The following MACF1 variants were observed in gnomAD, a reference collection of about 807,000 sequenced individuals.
MACF1 encodes microtubule-actin cross-linking factor 1.
A neutral mutation model predicts 854.8 loss-of-function variants in MACF1; 193 were observed. The ratio of observed to expected loss-of-function variants is 0.23; its 90% CI spans 0.20 to 0.25. The LOEUF (loss-of-function observed/expected upper bound fraction) is 0.25, where lower values mean the gene tolerates loss of function less well. Among genes scored for constraint, MACF1 ranks in the 10% least tolerant of loss-of-function variants. MACF1 has a pLI of 1.00. For synonymous variants in MACF1, 3,185 were observed against 3,226.7 expected, an observed-to-expected ratio of 0.99 and a Z score of 0.44; for missense variants, 7,722 against 8,929.1, an observed-to-expected ratio of 0.86 and a Z score of 5.45.
In MACF1 at chr1:39,440,111, C is replaced by CTTTTTTTT. The variant is rs774399403; in HGVS notation, c.18447+622_18447+629dup. Among the ~76,000 whole-genome samples the CTTTTTTTT allele has an allele frequency of 2.1e-3, 138 of 64,500 alleles. 4 individuals are homozygous for CTTTTTTTT. The highest frequency in any genetic ancestry group is 0.013 in the Middle Eastern group (1 of 76). The allele number at this position is 64,500 out of a possible 152,430, so 42.3% of individuals were successfully genotyped here. Reference sequence around the variant, plus strand: ...CTTTTCTTTTCTTTTCTTTTCTTTTCTTTTTTTTTTTTTTTTTTGGAGACA... The same window carrying CTTTTTTTT: ...CTTTTCTTTTCTTTTCTTTTCTTTTCTTTTTTTTTTTTTTTTTTTTTTTTTTGGAGACA... On this transcript the variant is annotated intron_variant, in intron 72 of 100. Coordinates refer to ENST00000564288, the MANE Select transcript of MACF1 (RefSeq NM_001394062.1).
intron 2 of MACF1, among the ~76,000 whole-genome samples, chr1:39,089,280 AGCT>A (rs1476179719): frequency 2.0e-5 from 3 of 152,178 alleles, no homozygotes; most frequent in Non-Finnish European, 2.9e-5. Context: ...AGTGACTCAG[AGCT>A]AAGGATTGGA....
intron 2 of MACF1, among the ~76,000 whole-genome samples, chr1:39,190,675 A>G (rs1413163277): frequency 6.6e-6 from 1 of 151,746 alleles, no homozygotes; most frequent in Non-Finnish European, 1.5e-5. Flanking sequence ...TTTTGATAAA[A>G]ATCAGGATCT....
At position 39,084,262 on chromosome 1, in the gene MACF1, G is replaced by T. The variant is rs199750582; in HGVS notation, c.44G>T (p.Arg15Leu). The T allele has an allele frequency of 1.2e-6, 2 of 1,612,588 alleles. No homozygotes were observed. The highest frequency in any genetic ancestry group is 2.7e-5 in the African/African-American group (2 of 74,902). Residue 15 changes from arginine to leucine, a missense_variant, in exon 2 of 94, where the codon CGG (arginine) becomes CTG (leucine). Transcript: ENST00000361689. The surrounding 1 kb of genome is among the most constrained non-coding windows in gnomAD (Gnocchi z 5.2). ...GAGACGCTCAGTGAGCGGTCATGTCGGAGTGAGCGGTCTTGTCGGAGTGAG... is the reference window on the plus strand; with the variant it reads ...GAGACGCTCAGTGAGCGGTCATGTCTGAGTGAGCGGTCTTGTCGGAGTGAG...
At chr1:39,382,494 G>A (rs947496554) in intron 56 of MACF1, among the ~76,000 whole-genome samples, 6 of 151,620 alleles carry the variant, frequency 4.0e-5, no homozygotes, top group Non-Finnish European at 8.8e-5. Context: ...CACAAGGTCA[G>A]GAGATCAAGA....
chr1:39,480,051 C>G, intron 98 of MACF1, 42 bp downstream of exon 98: 1 of 1,552,108 alleles, frequency 6.4e-7, no homozygotes, highest in Non-Finnish European at 8.9e-7. Context: ...CCCAATCCCA[C>G]CCTCACAGAT....
At chr1:39,408,694 G>A (rs1288411055) in intron 58 of MACF1, among the ~76,000 whole-genome samples, 1 of 152,102 alleles carries the variant, frequency 6.6e-6, no homozygotes, top group African/African-American at 2.4e-5. Flanking sequence ...TTTGTCAGGG[G>A]ATTTGCGCCG....
At chr1:39,141,697 A>T (rs1249096778) in intron 2 of MACF1, among the ~76,000 whole-genome samples, 1 of 152,194 alleles carries the variant, frequency 6.6e-6, no homozygotes, top group African/African-American at 2.4e-5. Context: ...GAGTCTAGTT[A>T]TTAGACTTAA....
intron 1 of MACF1, among the ~76,000 whole-genome samples, chr1:39,211,767 G>A (rs768448566): frequency 3.3e-5 from 5 of 151,976 alleles, no homozygotes; most frequent in Admixed American, 6.6e-5. Flanking sequence ...TGTAATCCCA[G>A]CTACTTGGGA....
chr1:39,363,803 TG>T (rs1219280392), intron 49 of MACF1, among the ~76,000 whole-genome samples: 3 of 151,926 alleles, frequency 2.0e-5, no homozygotes, highest in African/African-American at 7.3e-5. Context: ...TTAGTAGAGA[TG>T]GGGTTTCACC....
rs1271994752 is a variant in MACF1, at chr1:39,327,272, G to A, written c.4533G>A (p.Lys1511=). The A allele has an allele frequency of 6.2e-7, 1 of 1,606,432 alleles. No homozygotes were observed. Among genetic ancestry groups the A allele is most frequent in the Non-Finnish European group, 8.5e-7 (1 of 1,173,836 alleles). Reference sequence around the variant, plus strand: ...CTGAGCAATTGAATGCCCTAAACAAGGCTTACCATGACCTTTGTGATGGTT... The same window carrying A: ...CTGAGCAATTGAATGCCCTAAACAAAGCTTACCATGACCTTTGTGATGGTT... ...QISEQLNALN[K]AYHDLCDGSA... Residue 1511 remains lysine (K), a synonymous_variant, in exon 36 of 101, where the codon AAG becomes AAA. Coordinates refer to ENST00000564288, the MANE Select transcript of MACF1 (RefSeq NM_001394062.1).
rs1048204918 is a variant in MACF1 at position 39,487,045 on chromosome 1, G to A, written c.*1251G>A. On this transcript the variant is annotated 3_prime_UTR_variant, in exon 101 of 101. Coordinates refer to ENST00000564288, the MANE Select transcript of MACF1 (RefSeq NM_001394062.1). ...ACCTTATCTATAAATGTTACCCTGG[G>A]GTATAATCATGTTGTAGGTACTTAA... 1.3e-5 allele frequency: 2 copies of A among 152,304 alleles called. No homozygotes were observed. The highest frequency in any genetic ancestry group is 6.5e-5 in the Admixed American group (1 of 15,272). 9.4% of individuals were successfully genotyped at this position (152,304 alleles called of 1,614,324 possible).
intron 2 of MACF1, among the ~76,000 whole-genome samples, chr1:39,135,104 G>C (rs1244076142): frequency 6.6e-6 from 1 of 152,128 alleles, no homozygotes; most frequent in Non-Finnish European, 1.5e-5. Flanking sequence ...TCATGTTGTA[G>C]CATGTGCCAG....
intron 71 of MACF1, among the ~76,000 whole-genome samples, chr1:39,438,342 G>A (rs1207404848): frequency 6.6e-6 from 1 of 152,194 alleles, no homozygotes; most frequent in East Asian, 1.9e-4. Flanking sequence ...CAGAACACTG[G>A]AAACAAGAGT....
chr1:39,282,176 A>G, intron 6 of MACF1, 32 bp from the exon 7 acceptor site: 1 of 1,602,482 alleles, frequency 6.2e-7, no homozygotes, highest in Admixed American at 1.7e-5. Flanking sequence ...TCTTATTTAT[A>G]ATGAATTATT....
intron 61 of MACF1, among the ~76,000 whole-genome samples, chr1:39,425,741 C>T (rs1317763837): frequency 1.3e-5 from 2 of 152,046 alleles, no homozygotes; most frequent in East Asian, 1.9e-4. Flanking sequence ...ACCTTTATTC[C>T]TCAATCATGG....
intron 2 of MACF1, among the ~76,000 whole-genome samples, chr1:39,242,467 A>G (rs1201653962): frequency 6.6e-6 from 1 of 151,960 alleles, no homozygotes; most frequent in East Asian, 1.9e-4. Flanking sequence ...AGAAATCACT[A>G]TATGGCTGGG....
intron 89 of MACF1, among the ~76,000 whole-genome samples, chr1:39,456,190 CG>C (rs1439308805): frequency 3.9e-5 from 6 of 152,106 alleles, no homozygotes; most frequent in African/African-American, 1.4e-4. Flanking sequence ...AAAAATTAGT[CG>C]GGTGTGGTTG....
At chr1:39,410,557 A>C in intron 58 of MACF1, 1 of 1,614,026 alleles carries the variant, frequency 6.2e-7, no homozygotes, top group Non-Finnish European at 8.5e-7. Context: ...TGAGAGGATA[A>C]TATTTGATGC....
Position 39,389,902 on chromosome 1 carries a change from C to G in MACF1, c.15816+1244C>G, listed in dbSNP as rs1026468317. On this transcript the variant is annotated intron_variant, in intron 58 of 100. Coordinates refer to ENST00000564288, the MANE Select transcript of MACF1 (RefSeq NM_001394062.1). Reference sequence around the variant, plus strand: ...CTCCTCAAGAGTACAAGTTCTTTGCCTATAGGAAAGAAGTTTGAGAAGTAC... The same window carrying G: ...CTCCTCAAGAGTACAAGTTCTTTGCGTATAGGAAAGAAGTTTGAGAAGTAC... Among the ~76,000 whole-genome samples the G allele has an allele frequency of 9.9e-5, 15 of 152,260 alleles. 1 individual carries two copies. Among genetic ancestry groups the G allele is most frequent in the Middle Eastern group, 3.4e-3 (1 of 294 alleles).
Sources: gnomAD v4.1 joint callset for allele counts (sites outside exome capture counted in the v4.1 genomes callset) on GRCh38, gnomAD v4.1.1 for gene constraint, Gnocchi (gnomAD v3.1) non-coding constraint, MANE v1.5 for transcripts, NCBI Gene and HGNC (gene_info 2026-07-23, HGNC 2026-07-21) for gene names.